PACRG: variants seen among roughly 807,000 people sequenced by gnomAD.
PACRG encodes the protein parkin coregulated, also known as parkin coregulated gene protein.
PACRG carries 29 observed loss-of-function variants against 29.7 expected under a neutral mutation model. The observed-to-expected ratio is 0.98, with a 90% confidence interval of 0.73 to 1.33. The LOEUF is 1.33. Ranked by LOEUF, PACRG falls within the 40% of genes most tolerant of loss-of-function variation. The pLI, the probability that PACRG is intolerant of heterozygous loss-of-function variation, is 0.00. For missense variants in PACRG, 279 were observed against 316.2 expected (o/e 0.88, Z 0.89); for synonymous variants, 116 against 118.7 (o/e 0.98, Z 0.15).
intron 3 of PACRG, among the ~76,000 whole-genome samples, chr6:163,078,622 T>A (rs1487148437): frequency 6.6e-6 from 1 of 152,148 alleles, no homozygotes; most frequent in African/African-American, 2.4e-5. Flanking sequence ...ATCGTCATCA[T>A]TATCATCATC....
rs945205680 is a variant in PACRG, at chr6:162,995,025, T to TG, written c.292-67119dup. 2.6e-5 allele frequency among the ~76,000 whole-genome samples: 4 copies of TG among 151,004 alleles called. 1 individual carries two copies. Among genetic ancestry groups the TG allele is most frequent in the African/African-American group, 4.9e-5 (2 of 40,434 alleles). Reference sequence around the variant, plus strand: ...GAGTGAGGTGTCAGTGTGCCCCTGCTGGGGGGTGCCTCCCAGTTAGGCTGC... The same window carrying TG: ...GAGTGAGGTGTCAGTGTGCCCCTGCTGGGGGGGTGCCTCCCAGTTAGGCTGC... On this transcript the variant is annotated intron_variant, in intron 2 of 4. Coordinates refer to ENST00000366888, the MANE Select transcript of PACRG (RefSeq NM_001080379.2).
intron 4 of PACRG, among the ~76,000 whole-genome samples, chr6:163,253,402 G>A (rs369816080): frequency 1.5e-3 from 222 of 151,668 alleles, no homozygotes; most frequent in African/African-American, 4.9e-3. Flanking sequence ...TAATAAAATC[G>A]AATTGGTTGG....
chr6:162,800,505 A>G (rs1785765124), intron 1 of PACRG, among the ~76,000 whole-genome samples: 1 of 152,220 alleles, frequency 6.6e-6, no homozygotes, highest in Non-Finnish European at 1.5e-5. Flanking sequence ...TTACTTAGCA[A>G]TCTTTGGGAC....
At chr6:163,169,919 G>A (rs986649136) in intron 4 of PACRG, among the ~76,000 whole-genome samples, 9 of 152,196 alleles carry the variant, frequency 5.9e-5, no homozygotes, top group Non-Finnish European at 1.2e-4. Context: ...TCTCTCCTTG[G>A]CTTGTGGACG....
chr6:162,812,366 A>G (rs978014587), intron 1 of PACRG, among the ~76,000 whole-genome samples: 1 of 152,160 alleles, frequency 6.6e-6, no homozygotes, highest in Non-Finnish European at 1.5e-5. Context: ...GTGTTCTACA[A>G]TAACAATACA....
intron 4 of PACRG, among the ~76,000 whole-genome samples, chr6:163,098,775 C>T (rs1814828810): frequency 6.6e-6 from 1 of 152,180 alleles, no homozygotes; most frequent in Non-Finnish European, 1.5e-5. Flanking sequence ...GCTGGTTGCC[C>T]ATTTTTATGG....
At chr6:162,817,198 G>T (rs1437702530) in intron 2 of PACRG, among the ~76,000 whole-genome samples, 2 of 152,174 alleles carry the variant, frequency 1.3e-5, no homozygotes, top group Non-Finnish European at 2.9e-5. Flanking sequence ...TGAATGTGCT[G>T]GTCTGGGGAT....
intron 2 of PACRG, among the ~76,000 whole-genome samples, chr6:162,912,330 T>G (rs1290334814): frequency 2.0e-5 from 3 of 152,196 alleles, no homozygotes; most frequent in Non-Finnish European, 2.9e-5. Flanking sequence ...ACTTGAAGTC[T>G]TCTTAGGGGT....
chr6:163,040,243 G>T (rs561478439), intron 2 of PACRG, among the ~76,000 whole-genome samples: 3 of 152,346 alleles, frequency 2.0e-5, no homozygotes, highest in African/African-American at 7.2e-5. Flanking sequence ...TTTTGGGCCC[G>T]CAGGTGCACA....
At chr6:163,237,986 T>C (rs1453501656) in intron 4 of PACRG, among the ~76,000 whole-genome samples, 1 of 152,236 alleles carries the variant, frequency 6.6e-6, no homozygotes, top group African/African-American at 2.4e-5. Flanking sequence ...CTGGGGCTTT[T>C]CATTAATCAA....
At chr6:163,250,595 T>C (rs1174588539) in intron 4 of PACRG, among the ~76,000 whole-genome samples, 1 of 152,240 alleles carries the variant, frequency 6.6e-6, no homozygotes, top group African/African-American at 2.4e-5. Context: ...TTTACCAATT[T>C]GGATGCCCTT....
chr6:162,779,243 G>A (rs1783899231), intron 1 of PACRG, among the ~76,000 whole-genome samples: 2 of 152,150 alleles, frequency 1.3e-5, no homozygotes, highest in Non-Finnish European at 1.5e-5. Flanking sequence ...AGTATTCCAC[G>A]GTGTATATGT....
chr6:163,221,532 T>C (rs1239222870), intron 4 of PACRG, among the ~76,000 whole-genome samples: 1 of 152,248 alleles, frequency 6.6e-6, no homozygotes, highest in Non-Finnish European at 1.5e-5. Context: ...GCAAAGCACA[T>C]CTTACGTTGA....
chr6:163,145,391 C>T (rs1036418337), intron 4 of PACRG, among the ~76,000 whole-genome samples: 3 of 152,204 alleles, frequency 2.0e-5, no homozygotes, highest in Admixed American at 1.3e-4. Context: ...GTACATTTTC[C>T]TGTCTACATC....
chr6:163,198,004 C>G (rs1780547339), intron 4 of PACRG, among the ~76,000 whole-genome samples: 1 of 152,176 alleles, frequency 6.6e-6, no homozygotes, highest in South Asian at 2.1e-4. Context: ...ATCACTGATG[C>G]AAAGAGAGGT....
At chr6:163,146,989 C>T (rs1402824380) in intron 4 of PACRG, among the ~76,000 whole-genome samples, 5 of 152,190 alleles carry the variant, frequency 3.3e-5, no homozygotes, top group Admixed American at 3.3e-4. Flanking sequence ...CATCCCTTTT[C>T]CATTCTGTTA....
At chr6:163,220,547 G>A (rs577313849) in intron 4 of PACRG, among the ~76,000 whole-genome samples, 2 of 152,308 alleles carry the variant, frequency 1.3e-5, no homozygotes, top group South Asian at 4.1e-4. Context: ...CTCACAGAAT[G>A]CCATAGAGTT....
intron 2 of PACRG, among the ~76,000 whole-genome samples, chr6:162,996,848 T>G (rs1277277275): frequency 6.6e-6 from 1 of 152,086 alleles, no homozygotes; most frequent in Non-Finnish European, 1.5e-5. Flanking sequence ...AAAACTAGAG[T>G]TTTTTAGAAA....
At chr6:162,758,869 A>G (rs748273308) in intron 1 of PACRG, among the ~76,000 whole-genome samples, 59 of 152,222 alleles carry the variant, frequency 3.9e-4, no homozygotes, top group African/African-American at 1.4e-3. Flanking sequence ...GAAAAGCAGT[A>G]TACATTTCTG....
Sources: gnomAD v4.1 joint callset for allele counts (sites outside exome capture counted in the v4.1 genomes callset) on GRCh38, gnomAD v4.1.1 for gene constraint, MANE v1.5 for transcripts, NCBI Gene and HGNC (gene_info 2026-07-23, HGNC 2026-07-21) for gene names.